Variants in BSN observed in about 807,000 individuals in gnomAD.
BSN encodes protein bassoon.
In BSN, 57 loss-of-function variants were observed where a neutral mutation model predicts 264.8. The ratio of observed to expected loss-of-function variants is 0.22; its 90% CI spans 0.17 to 0.27. The LOEUF is 0.27. Among genes scored for constraint, BSN ranks in the 10% least tolerant of loss-of-function variants. BSN has a pLI of 1.00. For synonymous variants in BSN, 2,059 were observed against 2,137.3 expected (o/e 0.96, Z 1.01); for missense variants, 4,615 against 5,232.5 (o/e 0.88, Z 3.64).
rs1278285980 is a variant in BSN at position 49,652,918 on chromosome 3, C to T, written c.3362C>T (p.Ser1121Phe). Reference sequence around the variant, plus strand: ...GCCGAGATGGAGGAGCTACACCGCTCCTCCTGCTCTGAGTACTCACCCTCA... The same window carrying T: ...GCCGAGATGGAGGAGCTACACCGCTTCTCCTGCTCTGAGTACTCACCCTCA... ...QAAEMEELHR[S>F]SCSEYSPSPS... The change falls in exon 5 of 12, where the codon TCC becomes TTC. Residue 1121 changes from serine to phenylalanine, a missense_variant. Physicochemically the swap from Ser to Phe is radical, Grantham distance 155. This residue lies in a region of BSN where 3,415 missense variants were observed against 3,866.4 expected (regional missense o/e 0.88). Coordinates refer to ENST00000296452, the MANE Select transcript of BSN (RefSeq NM_003458.4). 2 of 1,610,030 alleles carry T rather than the reference C, an allele frequency of 1.2e-6. No individual in the cohort carries two copies. The highest frequency in any genetic ancestry group is 1.1e-5 in the South Asian group (1 of 90,808).
intron 1 of BSN, among the ~76,000 whole-genome samples, chr3:49,569,397 A>G (rs918604305): frequency 6.6e-6 from 1 of 152,162 alleles, no homozygotes; most frequent in African/African-American, 2.4e-5. Context: ...ATCAAATGAA[A>G]CATTGGAAAT....
intron 1 of BSN, among the ~76,000 whole-genome samples, chr3:49,570,811 T>G (rs977513936): frequency 6.6e-6 from 1 of 152,226 alleles, no homozygotes; most frequent in Non-Finnish European, 1.5e-5. Context: ...CCTCTGAGCC[T>G]GCCTGGTAGT....
intron 1 of BSN, among the ~76,000 whole-genome samples, chr3:49,600,478 G>A (rs1251697113): frequency 6.6e-6 from 1 of 152,134 alleles, no homozygotes; most frequent in Non-Finnish European, 1.5e-5. Flanking sequence ...GAGTCTAAAG[G>A]TGGCAGAGGA....
At position 49,653,799 on chromosome 3, in the gene BSN, A is replaced by G; in HGVS notation, c.4243A>G (p.Thr1415Ala). The G allele has an allele frequency of 6.2e-7, 1 of 1,613,962 alleles. No individual in the cohort carries two copies. The highest frequency in any genetic ancestry group is 1.7e-5 in the Admixed American group (1 of 60,000). Residue 1415 changes from threonine to alanine, a missense_variant, in exon 5 of 12, where the codon ACA becomes GCA. Coordinates refer to ENST00000296452, the MANE Select transcript of BSN (RefSeq NM_003458.4). This position sits in a 1 kb window ranked among gnomAD's most constrained non-coding sequence, Gnocchi z 6.3. ...GSERSPSPSS[T>A]AHSYGHSPTT... is the part of the protein sequence containing the mutation. ...CGAGCGTAGTCCTTCACCATCTTCC[A>G]CAGCCCACAGCTATGGACACAGCCC...
At chr3:49,595,620 G>A (rs2052017360) in intron 1 of BSN, among the ~76,000 whole-genome samples, 1 of 152,132 alleles carries the variant, frequency 6.6e-6, no homozygotes, top group Non-Finnish European at 1.5e-5. Context: ...GCCTCCCAAA[G>A]TGCTGAAATT....
intron 1 of BSN, among the ~76,000 whole-genome samples, chr3:49,571,914 T>A (rs1428866810): frequency 6.6e-6 from 1 of 152,194 alleles, no homozygotes; most frequent in African/African-American, 2.4e-5. Flanking sequence ...GAGACCCTGC[T>A]TTATCCTCAG....
intron 1 of BSN, among the ~76,000 whole-genome samples, chr3:49,555,263 G>C (rs1236445573): frequency 6.6e-6 from 1 of 152,230 alleles, no homozygotes; most frequent in Non-Finnish European, 1.5e-5. Flanking sequence ...GGGAAGATAA[G>C]TGTCACTGCG....
chr3:49,655,844 T>C lies in BSN; in HGVS notation c.6288T>C (p.Arg2096=). 1 of 1,613,366 alleles carries C rather than the reference T, an allele frequency of 6.2e-7. No individual in the cohort carries two copies. Among genetic ancestry groups the C allele is most frequent in the South Asian group, 1.1e-5 (1 of 91,080 alleles). Residue 2096 remains arginine (R), a synonymous_variant, in exon 5 of 12, where the codon CGT becomes CGC. Coordinates refer to ENST00000296452, the MANE Select transcript of BSN (RefSeq NM_003458.4). ...CCCAGTACAGTGCCACCACAGCCCG[T>C]GAAATCAGTCGCATGTGCGCTGCCC... The part of the protein sequence containing the change: ...SLAQYSATTA[R]EISRMCAALN...
In BSN at chr3:49,660,346, C is replaced by T; in HGVS notation, c.8641-140C>T. On this transcript the variant is annotated intron_variant, in intron 5 of 11. Coordinates refer to ENST00000296452, the MANE Select transcript of BSN (RefSeq NM_003458.4). The surrounding 1 kb of genome is among the most constrained non-coding windows in gnomAD (Gnocchi z 7.1). ...CCTATGGGTGGGCAGGGTAGGCCTC[C>T]AGGCTGCCTGGTAAATCAGGGCACC... is the stretch of plus-strand genomic sequence containing the variant. 13 of 1,488,812 alleles carry T rather than the reference C, an allele frequency of 8.7e-6. No homozygotes were observed. Among genetic ancestry groups the T allele is most frequent in the Middle Eastern group, 5.2e-4 (2 of 3,882 alleles). The allele number at this position is 1,488,812 out of a possible 1,614,324, so 92.2% of individuals were successfully genotyped here. A position where few individuals can be genotyped will look rare whatever the true frequency, so the allele number is the denominator to read the frequency against.
rs1482469370 is a variant in BSN, at chr3:49,663,554, T to C, written c.11396T>C (p.Leu3799Pro). ...CAGCAGGCTCTGACACAGGCTCGGC[T>C]GCAGCAACAGAGCCAGCCAACCACC... Reference protein sequence around the residue: ...PPQQALTQARLQQQSQPTTRG... With the variant: ...PPQQALTQARPQQQSQPTTRG... The change falls in exon 7 of 12, where the codon CTG becomes CCG. Residue 3799 changes from leucine to proline, a missense_variant. Physicochemically the swap from Leu to Pro is moderately conservative, Grantham distance 98. Coordinates refer to ENST00000296452, the MANE Select transcript of BSN (RefSeq NM_003458.4). 6.2e-7 allele frequency: 1 copy of C among 1,608,452 alleles called. No homozygotes were observed. The highest frequency in any genetic ancestry group is 8.5e-7 in the Non-Finnish European group (1 of 1,178,880).
rs2052596019 is a variant in BSN at position 49,656,048 on chromosome 3, G to C, written c.6492G>C (p.Leu2164Phe). Reference sequence around the variant, plus strand: ...AGGGCCACCCAAGTCCTGGGAACTTGGCCCAGTATGGGCCTGCAGCAGGCC... The same window carrying C: ...AGGGCCACCCAAGTCCTGGGAACTTCGCCCAGTATGGGCCTGCAGCAGGCC... ...FPEGHPSPGN[L>F]AQYGPAAGQG... Residue 2164 changes from leucine to phenylalanine, a missense_variant, in exon 5 of 12, where the codon TTG becomes TTC. By Grantham distance (22) the Leu-to-Phe change is conservative. Transcript: ENST00000296452. 5 of 1,604,412 alleles carry C rather than the reference G, an allele frequency of 3.1e-6. No homozygotes were observed. The highest frequency in any genetic ancestry group is 4.3e-6 in the Non-Finnish European group (5 of 1,174,972).
chr3:49,620,605 G>C (rs1241563783), intron 1 of BSN, among the ~76,000 whole-genome samples: 1 of 152,196 alleles, frequency 6.6e-6, no homozygotes, highest in Non-Finnish European at 1.5e-5. Flanking sequence ...ATGGGCCATT[G>C]TAAGACTTTT....
intron 1 of BSN, among the ~76,000 whole-genome samples, chr3:49,610,571 C>T (rs1432308934): frequency 1.5e-5 from 1 of 66,338 alleles, no homozygotes; most frequent in Non-Finnish European, 2.6e-5. Context: ...GCAACAAGAG[C>T]GAAATTTCAT....
At chr3:49,601,343 T>C (rs1462310362) in intron 1 of BSN, among the ~76,000 whole-genome samples, 1 of 152,118 alleles carries the variant, frequency 6.6e-6, no homozygotes, top group East Asian at 1.9e-4. Flanking sequence ...CCCTATAAGG[T>C]TGTGCAGGAG....
chr3:49,602,994 C>T lies in BSN; in HGVS notation c.225-21981C>T, dbSNP rs116751262. 8.2e-3 allele frequency among the ~76,000 whole-genome samples: 1,243 copies of T among 152,340 alleles called. 6 individuals carry two copies. Among genetic ancestry groups the T allele is most frequent in the Middle Eastern group, 0.027 (8 of 294 alleles). On this transcript the variant is annotated intron_variant, in intron 1 of 11. Coordinates refer to ENST00000296452, the MANE Select transcript of BSN (RefSeq NM_003458.4). Reference sequence around the variant, plus strand: ...GAAGATGCTGACATCCCACGCAGCTCCCTGCAGTGTTGCTCCTGGCACTTC... The same window carrying T: ...GAAGATGCTGACATCCCACGCAGCTTCCTGCAGTGTTGCTCCTGGCACTTC...
chr3:49,656,978 G>C lies in BSN; in HGVS notation c.7422G>C (p.Lys2474Asn), dbSNP rs529053123. Residue 2474 changes from lysine (K) to asparagine (N), a missense_variant, in exon 5 of 12, where the codon AAG becomes AAC. Lys to Asn is a moderately conservative substitution (Grantham distance 94, BLOSUM62 0). Transcript: ENST00000296452. ...TAGAGGAGCAGAAGCAGCGGCAGAA[G>C]GCTCCCTTTCCTGCAGCCTGTGAGG... is the stretch of plus-strand genomic sequence containing the variant. Reference protein sequence around the residue: ...QQLEEQKQRQKAPFPAACEAP... With the variant: ...QQLEEQKQRQNAPFPAACEAP... The C allele has an allele frequency of 5.6e-6, 9 of 1,609,052 alleles. No homozygotes were observed. The South Asian group carries it at 9.9e-5, about 18-fold the overall frequency.
chr3:49,653,657 C>T lies in BSN; in HGVS notation c.4101C>T (p.Ser1367=). ...CTCCTGCCTCCCCCAGCTCAGCCTC[C>T]AAGGAGATAGGCATGCCCTTTTCCC... ...HSSPASPSSA[S]KEIGMPFSQG... is the part of the protein sequence containing the mutation. The change falls in exon 5 of 12, where the codon TCC becomes TCT. Residue 1367 remains serine, a synonymous_variant. Coordinates refer to ENST00000296452, the MANE Select transcript of BSN (RefSeq NM_003458.4). The surrounding 1 kb of genome is among the most constrained non-coding windows in gnomAD (Gnocchi z 6.3). 6.2e-7 allele frequency: 1 copy of T among 1,613,812 alleles called. No homozygotes were observed. The highest frequency in any genetic ancestry group is 1.1e-5 in the South Asian group (1 of 91,070).
At chr3:49,555,387 G>A (rs1461965884) in intron 1 of BSN, among the ~76,000 whole-genome samples, 2 of 152,218 alleles carry the variant, frequency 1.3e-5, no homozygotes, top group Non-Finnish European at 2.9e-5. Context: ...TGGACACCAA[G>A]AGGTGCTTAT....
At chr3:49,629,354 G>T (rs536447033) in intron 2 of BSN, among the ~76,000 whole-genome samples, 1 of 152,232 alleles carries the variant, frequency 6.6e-6, no homozygotes, top group Non-Finnish European at 1.5e-5. Context: ...GCCCTTGTTA[G>T]GCTTCTATTC....
Sources: gnomAD v4.1 joint callset for allele counts (sites outside exome capture counted in the v4.1 genomes callset) on GRCh38, gnomAD v4.1.1 for gene constraint, gnomAD v4.1.1 regional missense constraint, Gnocchi (gnomAD v3.1) non-coding constraint, MANE v1.5 for transcripts, NCBI Gene and HGNC (gene_info 2026-07-23, HGNC 2026-07-21) for gene names.